The following AKR1B15 variants were observed in gnomAD, a reference collection of about 807,000 sequenced individuals.
AKR1B15 encodes the protein estradiol 17-beta-dehydrogenase AKR1B15.
AKR1B15 carries 49 observed loss-of-function variants against 38.5 expected under a neutral mutation model. That is an observed-to-expected ratio of 1.27 (90% CI 1.01 to 1.62). The LOEUF (loss-of-function observed/expected upper bound fraction) is 1.62. Among genes scored for constraint, AKR1B15 ranks in the 40% most tolerant of loss-of-function variants. The pLI is 0.00. For missense variants in AKR1B15, 411 were observed against 381.6 expected, an observed-to-expected ratio of 1.08 and a Z score of -0.64; for synonymous variants, 137 against 135.5, an observed-to-expected ratio of 1.01 and a Z score of -0.08.
chr7:134,571,494 A>C (rs1329961185), intron 5 of AKR1B15, 110 bp from the exon 6 acceptor site: 3 of 793,600 alleles, frequency 3.8e-6, no homozygotes, highest in Non-Finnish European at 6.6e-6. Flanking sequence ...AGCTTGAAAA[A>C]GTGGTATGCA....
intron 11 of AKR1B15, among the ~76,000 whole-genome samples, chr7:134,578,527 A>G (rs1330196794): frequency 6.6e-6 from 1 of 152,094 alleles, no homozygotes; most frequent in Non-Finnish European, 1.5e-5. Flanking sequence ...AAAGTCTTTC[A>G]CTCTGGCTAG....
At chr7:134,564,166 G>A (rs188335006) in intron 2 of AKR1B15, among the ~76,000 whole-genome samples, 1 of 152,284 alleles carries the variant, frequency 6.6e-6, no homozygotes, top group Non-Finnish European at 1.5e-5. Flanking sequence ...CTACTGCTAT[G>A]GGAACCGGAA....
At position 134,579,747 on chromosome 7, in the gene AKR1B15, T is replaced by C. The variant is rs1028914794; in HGVS notation, c.*198T>C. On this transcript the variant is annotated 3_prime_UTR_variant, in exon 12 of 12. Coordinates refer to ENST00000457545, the MANE Select transcript of AKR1B15 (RefSeq NM_001080538.3). Reference sequence around the variant, plus strand: ...AGGATAAGAATATCACAGAAAAGCATGGCCTGAATAAGCAAATGACAATTT... The same window carrying C: ...AGGATAAGAATATCACAGAAAAGCACGGCCTGAATAAGCAAATGACAATTT... 6 of 514,242 alleles carry C rather than the reference T, an allele frequency of 1.2e-5. No homozygotes were observed. The highest frequency in any genetic ancestry group is 2.0e-5 in the Non-Finnish European group (6 of 298,414). 31.9% of individuals were successfully genotyped at this position (514,242 alleles called of 1,614,324 possible).
At chr7:134,554,491 A>T (rs770080995) in intron 1 of AKR1B15, among the ~76,000 whole-genome samples, 3 of 152,102 alleles carry the variant, frequency 2.0e-5, no homozygotes, top group Non-Finnish European at 4.4e-5. Context: ...GAGGAGTAAA[A>T]CTGGCCCAGC....
At chr7:134,568,393 C>A (rs1460737518) in intron 4 of AKR1B15, 68 bp downstream of exon 4, 3 of 1,587,788 alleles carry the variant, frequency 1.9e-6, no homozygotes, top group Non-Finnish European at 1.7e-6. Flanking sequence ...ATCGGGTGGG[C>A]AGCAAGAACT....
intron 2 of AKR1B15, 44 bp from the exon 3 acceptor site, chr7:134,564,554 G>T: frequency 1.5e-6 from 1 of 657,478 alleles, no homozygotes; most frequent in South Asian, 1.7e-5. Context: ...ACTCACCTTT[G>T]GGCCCTGTAT....
chr7:134,574,006 C>T (rs1172881937), intron 6 of AKR1B15, among the ~76,000 whole-genome samples: 8 of 152,088 alleles, frequency 5.3e-5, no homozygotes, highest in African/African-American at 1.7e-4. Context: ...CTCAAGTAAA[C>T]CTCTGAAGTA....
chr7:134,550,465 A>AG (rs373665835), intron 1 of AKR1B15, among the ~76,000 whole-genome samples: 13 of 152,132 alleles, frequency 8.5e-5, no homozygotes, highest in Admixed American at 3.9e-4. Context: ...TAAGTCAAGA[A>AG]GGGGGGGTCA....
intron 1 of AKR1B15, among the ~76,000 whole-genome samples, chr7:134,553,257 A>G (rs1794055436): frequency 6.6e-6 from 1 of 152,198 alleles, no homozygotes. Context: ...GTACACCACT[A>G]CTGGAGGGAA....
intron 7 of AKR1B15, 126 bp from the exon 8 acceptor site, chr7:134,575,695 A>C (rs1794753912): frequency 5.7e-6 from 9 of 1,580,312 alleles, no homozygotes; most frequent in African/African-American, 1.3e-5. Context: ...TGGGTGATTT[A>C]GCAAGAATCT....
intron 2 of AKR1B15, among the ~76,000 whole-genome samples, chr7:134,561,256 C>G (rs953761193): frequency 8.5e-5 from 13 of 152,188 alleles, no homozygotes; most frequent in Admixed American, 4.6e-4. Flanking sequence ...ATCTGTCACC[C>G]AGGCTGGATT....
chr7:134,564,655 T>C lies in AKR1B15; in HGVS notation c.36T>C (p.Thr12=). Residue 12 remains threonine, a synonymous_variant, in exon 3 of 12, where the codon ACT becomes ACC. Transcript: ENST00000457545. The part of the protein sequence containing the change: ...VLQMEPQVNS[T]NNFHQGPLDQ... ...AAATGGAACCCCAAGTGAACTCAAC[T>C]AACAACTTCCACCAAGGACCCCTGG... The C allele has an allele frequency of 1.4e-6, 1 of 699,094 alleles. No homozygotes were observed. The highest frequency in any genetic ancestry group is 1.7e-5 in the African/African-American group (1 of 57,278). The allele number at this position is 699,094 out of a possible 1,614,324, so 43.3% of individuals were successfully genotyped here.
At chr7:134,565,129 C>T (rs73451234) in intron 3 of AKR1B15, 16,791 of 321,344 alleles carry the variant, frequency 0.052, 792 homozygotes, top group African/African-American at 0.15. Context: ...CGCTCAGATA[C>T]CCTTCCACAC....
Position 134,568,217 on chromosome 7 carries a change from C to G in AKR1B15, c.210C>G (p.His70Gln), listed in dbSNP as rs754480745. The G allele has an allele frequency of 6.2e-7, 1 of 1,614,120 alleles. No homozygotes were observed. Among genetic ancestry groups the G allele is most frequent in the Non-Finnish European group, 8.5e-7 (1 of 1,179,996 alleles). Reference protein sequence around the residue: ...VKVAIDAEYRHIDCAYFYENQ... With the variant: ...VKVAIDAEYRQIDCAYFYENQ... ...TGGCCATTGATGCAGAATATCGCCA[C>G]ATTGACTGTGCCTATTTCTATGAGA... Residue 70 changes from histidine to glutamine, a missense_variant, in exon 4 of 12, where the codon CAC becomes CAG. Physicochemically the swap from His to Gln is conservative, Grantham distance 24 (BLOSUM62 0). Coordinates refer to ENST00000457545, the MANE Select transcript of AKR1B15 (RefSeq NM_001080538.3).
At chr7:134,572,006 C>A (rs2117663776) in intron 6 of AKR1B15, among the ~76,000 whole-genome samples, 1 of 152,256 alleles carries the variant, frequency 6.6e-6, no homozygotes, top group Non-Finnish European at 1.5e-5. Context: ...GCTGAGTAAC[C>A]TAGGGTCAGT....
At chr7:134,572,707 C>T (rs1392544499) in intron 6 of AKR1B15, among the ~76,000 whole-genome samples, 3 of 151,530 alleles carry the variant, frequency 2.0e-5, no homozygotes, top group Non-Finnish European at 2.9e-5. Flanking sequence ...TGACCTGTTT[C>T]ACATCATTTC....
At chr7:134,561,557 A>C (rs1794393296) in intron 2 of AKR1B15, among the ~76,000 whole-genome samples, 1 of 152,240 alleles carries the variant, frequency 6.6e-6, no homozygotes, top group African/African-American at 2.4e-5. Context: ...ACATCAATGA[A>C]GTGTTAACAT....
intron 1 of AKR1B15, among the ~76,000 whole-genome samples, chr7:134,556,451 T>C (rs1057026050): frequency 2.6e-5 from 4 of 152,134 alleles, no homozygotes; most frequent in Non-Finnish European, 4.4e-5. Flanking sequence ...CACTAGGAGA[T>C]GTGTCAGGGA....
At chr7:134,576,784 G>A (rs567666692) in intron 9 of AKR1B15, among the ~76,000 whole-genome samples, 179 bp from the exon 10 acceptor site, 74 of 151,872 alleles carry the variant, frequency 4.9e-4, no homozygotes, top group South Asian at 2.7e-3. Context: ...TTGTCTCTAA[G>A]GTGAAGGGAG....
Sources: allele counts gnomAD v4.1 joint callset (sites outside exome capture counted in the v4.1 genomes callset), GRCh38; gene constraint gnomAD v4.1.1; transcripts MANE v1.5; gene names NCBI Gene and HGNC (gene_info 2026-07-23, HGNC 2026-07-21).